BNIP3: variants seen among roughly 807,000 people sequenced by gnomAD.
The protein encoded by BNIP3 is BCL2/adenovirus E1B 19 kDa protein-interacting protein 3.
BNIP3 carries 16 observed loss-of-function variants against 23.9 expected under a neutral mutation model. The ratio of observed to expected loss-of-function variants is 0.67; its 90% CI spans 0.45 to 1.01. The LOEUF (loss-of-function observed/expected upper bound fraction) is 1.01, where lower values mean the gene tolerates loss of function less well. Ranked by LOEUF, BNIP3 falls within the 50% of genes least tolerant of loss-of-function variation. BNIP3 has a pLI of 0.00. For missense variants in BNIP3, 198 were observed against 248.7 expected, an observed-to-expected ratio of 0.80 and a Z score of 1.37; for synonymous variants, 81 against 89.3, an observed-to-expected ratio of 0.91 and a Z score of 0.53.
At chr10:131,975,085 A>G (rs1482610491) in intron 1 of BNIP3, among the ~76,000 whole-genome samples, 1 of 152,196 alleles carries the variant, frequency 6.6e-6, no homozygotes, top group Non-Finnish European at 1.5e-5. Flanking sequence ...TCCCTTCCTG[A>G]GCTGAGATAT....
At chr10:131,969,257 G>C (rs1178726951) in intron 5 of BNIP3, 1 of 152,430 alleles carries the variant, frequency 6.6e-6, no homozygotes, top group Non-Finnish European at 1.5e-5. Flanking sequence ...GCAGCATCAG[G>C]CTCTGAAAAC....
At chr10:131,981,692 G>A (rs1589978704) in intron 1 of BNIP3, 69 bp downstream of exon 1, 1 of 1,135,280 alleles carries the variant, frequency 8.8e-7, no homozygotes, top group Non-Finnish European at 1.2e-6. Flanking sequence ...TCCCCTTGGC[G>A]CCCTCTTGGC....
chr10:131,979,974 G>A (rs1489334805), intron 1 of BNIP3, among the ~76,000 whole-genome samples: 2 of 152,210 alleles, frequency 1.3e-5, no homozygotes, highest in Admixed American at 6.5e-5. Context: ...TGGAGCCCGC[G>A]GGACCGGCCA....
chr10:131,977,399 G>C (rs2133695138), intron 1 of BNIP3, among the ~76,000 whole-genome samples: 1 of 152,326 alleles, frequency 6.6e-6, no homozygotes, highest in Non-Finnish European at 1.5e-5. Context: ...AAGACAACAG[G>C]GAGAGGAAGA....
At position 131,976,994 on chromosome 10, in the gene BNIP3, T is replaced by C. The variant is rs9419389; in HGVS notation, c.47-3051A>G. Among the ~76,000 whole-genome samples the C allele has an allele frequency of 0.016, 2,454 of 152,224 alleles. 64 individuals carry two copies. The highest frequency in any genetic ancestry group is 0.054 in the African/African-American group (2,225 of 41,522). ...TTAATAAACATGCTTAAGACACTTA[T>C]TGGCACAGCGGTTCATGCCTGTAAT... On this transcript the variant is annotated intron_variant, in intron 1 of 5. Coordinates refer to ENST00000368636, the MANE Select transcript of BNIP3 (RefSeq NM_004052.4). This position sits in a 1 kb window ranked among gnomAD's most constrained non-coding sequence, Gnocchi z 4.3.
At chr10:131,973,155 CAT>C in intron 2 of BNIP3, 37 bp from the exon 3 acceptor site, 1 of 1,592,662 alleles carries the variant, frequency 6.3e-7, no homozygotes, top group Non-Finnish European at 8.6e-7. Context: ...AACAGAACAT[CAT>C]GTGAACATTC....
At chr10:131,971,072 A>G in intron 3 of BNIP3, 102 bp from the exon 4 acceptor site, 1 of 1,060,742 alleles carries the variant, frequency 9.4e-7, no homozygotes, top group Non-Finnish European at 1.4e-6. Context: ...TCAATTCAAG[A>G]GCCCAGAGGC....
chr10:131,972,333 G>GC (rs1296239138), intron 3 of BNIP3, among the ~76,000 whole-genome samples: 2 of 152,114 alleles, frequency 1.3e-5, no homozygotes, highest in East Asian at 3.9e-4. Context: ...CTTGAGCCCT[G>GC]GAGTTCAAGA....
Position 131,970,974 on chromosome 10 carries a change from A to T in BNIP3, c.283-4T>A. ...TTTCAATATCATCTTCCTCAGACTA[A>T]GATAAAGTCAATGTTAAAGGCAGAT... On this transcript the variant is annotated splice_region_variant and splice_polypyrimidine_tract_variant and intron_variant, in intron 3 of 5. Coordinates refer to ENST00000368636, the MANE Select transcript of BNIP3 (RefSeq NM_004052.4). The surrounding 1 kb of genome is among the most constrained non-coding windows in gnomAD (Gnocchi z 4.1). 1.9e-6 allele frequency: 3 copies of T among 1,612,648 alleles called. No individual in the cohort carries two copies. Among genetic ancestry groups the T allele is most frequent in the Non-Finnish European group, 2.5e-6 (3 of 1,179,430 alleles).
chr10:131,968,731 A>G (rs2036993541), intron 5 of BNIP3, 162 bp from the exon 6 acceptor site: 1 of 566,488 alleles, frequency 1.8e-6, no homozygotes, highest in Admixed American at 3.0e-5. Context: ...GTGATCTTTT[A>G]TCTAGTGTTT....
rs771645995 is a variant in BNIP3 at position 131,973,895 on chromosome 10, A to G, written c.95T>C (p.Val32Ala). The change falls in exon 2 of 6, where the codon GTT (valine) becomes GCT (alanine). Residue 32 changes from valine to alanine, a missense_variant. Physicochemically the swap from Val to Ala is moderately conservative, Grantham distance 64. Transcript: ENST00000368636. ...HFSNNGNGGS[V>A]PASVSIYNGD... is the part of the protein sequence containing the mutation. ...ATTATAAATAGAAACCGAGGCTGGAACGCTGCCCCCGTTCCCATTATTGCT... is the reference window on the plus strand; with the variant it reads ...ATTATAAATAGAAACCGAGGCTGGAGCGCTGCCCCCGTTCCCATTATTGCT... The G allele has an allele frequency of 1.9e-6, 3 of 1,613,434 alleles. No homozygotes were observed. Among genetic ancestry groups the G allele is most frequent in the African/African-American group, 2.7e-5 (2 of 74,902 alleles).
intron 3 of BNIP3, chr10:131,971,572 A>C (rs2037034138): frequency 6.5e-6 from 1 of 152,714 alleles, no homozygotes; most frequent in African/African-American, 2.4e-5. Context: ...GCATTTTCAA[A>C]ATTCTGTACC....
At chr10:131,974,411 G>A (rs576505916) in intron 1 of BNIP3, among the ~76,000 whole-genome samples, 12 of 152,316 alleles carry the variant, frequency 7.9e-5, no homozygotes, top group Admixed American at 5.2e-4. Flanking sequence ...TTTTCGAGAC[G>A]GAGTCTCGCT....
intron 2 of BNIP3, 176 bp downstream of exon 2, chr10:131,973,617 C>T (rs1176654587): frequency 1.3e-6 from 1 of 799,908 alleles, no homozygotes; most frequent in South Asian, 1.9e-5. Flanking sequence ...CACTGCATCC[C>T]CAAAGAGGGC....
intron 3 of BNIP3, chr10:131,971,263 A>C (rs546813740): frequency 2.4e-6 from 1 of 424,492 alleles, no homozygotes; most frequent in East Asian, 5.0e-5. Flanking sequence ...GGGTACTGAC[A>C]GCGGCAAACA....
At chr10:131,969,395 C>G (rs1210885663) in intron 5 of BNIP3, 1 of 152,144 alleles carries the variant, frequency 6.6e-6, no homozygotes, top group Non-Finnish European at 1.5e-5. Flanking sequence ...CTTGACAGTT[C>G]TGGAAAAGGC....
At chr10:131,981,126 G>A (rs569364449) in intron 1 of BNIP3, 1 of 152,228 alleles carries the variant, frequency 6.6e-6, no homozygotes, top group African/African-American at 2.4e-5. Context: ...AGTGCTGCAC[G>A]GGCAGCGTCC....
intron 3 of BNIP3, among the ~76,000 whole-genome samples, chr10:131,972,668 C>T (rs1459202718): frequency 1.3e-5 from 2 of 152,218 alleles, no homozygotes; most frequent in Non-Finnish European, 2.9e-5. Context: ...CGAGGAAAGA[C>T]CAGCCAGTAG....
In BNIP3 at chr10:131,973,064, G is replaced by A; in HGVS notation, c.252C>T (p.Thr84=). The A allele has an allele frequency of 3.1e-6, 5 of 1,613,728 alleles. No homozygotes were observed. Among genetic ancestry groups the A allele is most frequent in the African/African-American group, 1.3e-5 (1 of 75,022 alleles). The change falls in exon 3 of 6, where the codon ACC becomes ACT. Residue 84 remains threonine, a synonymous_variant. Coordinates refer to ENST00000368636, the MANE Select transcript of BNIP3 (RefSeq NM_004052.4). ...QDTNRASETD[T]HSIGEKNSSQ... ...AGCTGTTTTTCTCTCCAATGCTATG[G>A]GTATCTGTTTCAGAAGCTCTGTTGG...
Sources: allele counts gnomAD v4.1 joint callset (sites outside exome capture counted in the v4.1 genomes callset), GRCh38; gene constraint gnomAD v4.1.1; non-coding constraint Gnocchi (gnomAD v3.1); transcripts MANE v1.5; gene names NCBI Gene and HGNC (gene_info 2026-07-23, HGNC 2026-07-21).